Variants in MOV10L1 observed in about 807,000 individuals in gnomAD.
MOV10L1 encodes RNA helicase Mov10l1.
Under a neutral mutation model 143.8 loss-of-function variants are expected in MOV10L1, and 110 were observed. The ratio of observed to expected loss-of-function variants is 0.76; its 90% CI spans 0.66 to 0.90. MOV10L1 has a LOEUF of 0.90. Among genes scored for constraint, MOV10L1 ranks in the 40% least tolerant of loss-of-function variants. The pLI is 0.00. For synonymous variants in MOV10L1, 593 were observed against 581.1 expected (o/e 1.02, Z -0.29); for missense variants, 1,406 against 1,526.8 (o/e 0.92, Z 1.32).
chr22:50,147,692 G>A (rs1170645212), intron 19 of MOV10L1, among the ~76,000 whole-genome samples: 1 of 152,266 alleles, frequency 6.6e-6, no homozygotes, highest in Admixed American at 6.5e-5. Context: ...GGGCAAAGAA[G>A]TAGCAATGTC....
At position 50,117,301 on chromosome 22, in the gene MOV10L1, A is replaced by G; in HGVS notation, c.1404A>G (p.Ser468=). Reference sequence around the variant, plus strand: ...TTTCTTGGAAAAAGCTTAAAAGTTCACAAGCGTTAACATCCGCAAAAACTA... The same window carrying G: ...TTTCTTGGAAAAAGCTTAAAAGTTCGCAAGCGTTAACATCCGCAAAAACTA... The part of the protein sequence containing the change: ...EPFSWKKLKS[S]QALTSAKTTV... Residue 468 remains serine (S), a synonymous_variant, in exon 9 of 27, where the codon TCA becomes TCG. Coordinates refer to ENST00000262794, the MANE Select transcript of MOV10L1 (RefSeq NM_018995.3). 6.2e-7 allele frequency: 1 copy of G among 1,614,186 alleles called. No homozygotes were observed. The highest frequency in any genetic ancestry group is 8.5e-7 in the Non-Finnish European group (1 of 1,180,024).
intron 13 of MOV10L1, among the ~76,000 whole-genome samples, chr22:50,130,965 C>G (rs769019159): frequency 1.4e-4 from 21 of 152,134 alleles, no homozygotes; most frequent in Non-Finnish European, 1.5e-5. Context: ...GGCACGATCT[C>G]GGCTCACTGC....
At chr22:50,090,300 C>A in intron 1 of MOV10L1, 115 bp downstream of exon 1, 3 of 1,454,570 alleles carry the variant, frequency 2.1e-6, no homozygotes, top group Non-Finnish European at 2.7e-6. Flanking sequence ...ACGCTGGGCC[C>A]GGCCTTTCCT....
At chr22:50,104,662 G>T (rs1283201797) in intron 3 of MOV10L1, among the ~76,000 whole-genome samples, 1 of 152,046 alleles carries the variant, frequency 6.6e-6, no homozygotes, top group Non-Finnish European at 1.5e-5. Flanking sequence ...ATTAAAAAAA[G>T]GTGAGTATAT....
rs374875127 is a variant in MOV10L1, at chr22:50,158,178, T to C, written c.3188T>C (p.Ile1063Thr). ...SISSQVSASD[I>T]GVITPYRKQV... ...TCCAGTCAGGTGTCTGCCAGCGACA[T>C]TGGCGTCATCACGCCCTACCGGAAG... The change falls in exon 23 of 27, where the codon ATT (isoleucine) becomes ACT (threonine). Residue 1063 changes from isoleucine (I) to threonine (T), a missense_variant. By Grantham distance (89) the Ile-to-Thr change is moderately conservative. This residue lies in a region of MOV10L1 where 1,233 missense variants were observed against 1,351.4 expected (regional missense o/e 0.91). Coordinates refer to ENST00000262794, the MANE Select transcript of MOV10L1 (RefSeq NM_018995.3). The surrounding 1 kb of genome is among the most constrained non-coding windows in gnomAD (Gnocchi z 5.0). 11 of 1,614,034 alleles carry C rather than the reference T, an allele frequency of 6.8e-6. No homozygotes were observed. Among genetic ancestry groups the C allele is most frequent in the South Asian group, 2.2e-5 (2 of 91,088 alleles).
At chr22:50,130,229 C>T (rs2062632159) in intron 13 of MOV10L1, among the ~76,000 whole-genome samples, 1 of 152,056 alleles carries the variant, frequency 6.6e-6, no homozygotes, top group South Asian at 2.1e-4. Flanking sequence ...GAGCTGAGAT[C>T]ATACTACTGC....
chr22:50,126,131 A>G, intron 11 of MOV10L1, 71 bp from the exon 12 acceptor site: 1 of 1,132,634 alleles, frequency 8.8e-7, no homozygotes, highest in Non-Finnish European at 1.3e-6. Context: ...TCAGTGTTGG[A>G]TTTTATAGGA....
intron 15 of MOV10L1, among the ~76,000 whole-genome samples, chr22:50,139,717 A>T (rs895879272): frequency 3.3e-5 from 5 of 152,266 alleles, no homozygotes; most frequent in African/African-American, 1.2e-4. Flanking sequence ...ACACTTGAAC[A>T]CTTTACCAGA....
chr22:50,149,611 C>G lies in MOV10L1; in HGVS notation c.2628-4C>G. On this transcript the variant is annotated splice_region_variant and splice_polypyrimidine_tract_variant and intron_variant, in intron 19 of 26. Coordinates refer to ENST00000262794, the MANE Select transcript of MOV10L1 (RefSeq NM_018995.3). ...AATTACCATTTAGAACATCTTTGCT[C>G]TAGAGTTGGGCACTTCACTCACGTG... 1 of 1,614,014 alleles carries G rather than the reference C, an allele frequency of 6.2e-7. No homozygotes were observed. Among genetic ancestry groups the G allele is most frequent in the Non-Finnish European group, 8.5e-7 (1 of 1,179,916 alleles).
intron 3 of MOV10L1, among the ~76,000 whole-genome samples, chr22:50,104,584 C>G (rs1292672524): frequency 6.6e-6 from 1 of 152,016 alleles, no homozygotes; most frequent in Admixed American, 6.5e-5. Flanking sequence ...TTTGAAATAT[C>G]TATGTATTGG....
rs770576860 is a variant in MOV10L1, at chr22:50,160,819, C to G, written c.3456C>G (p.Leu1152=). 4.2e-5 allele frequency: 68 copies of G among 1,613,936 alleles called. No individual in the cohort carries two copies. Among genetic ancestry groups the G allele is most frequent in the Non-Finnish European group, 5.7e-5 (67 of 1,179,922 alleles). Reference sequence around the variant, plus strand: ...TAGTGCTGGGAAACCCCCATGTTCTCGTTCGAGTGAGTTTTCAGGCACTGG... The same window carrying G: ...TAGTGCTGGGAAACCCCCATGTTCTGGTTCGAGTGAGTTTTCAGGCACTGG... The part of the protein sequence containing the change: ...LLIVLGNPHV[L]VRDPCFGALL... Residue 1152 remains leucine, a synonymous_variant, in exon 25 of 27, where the codon CTC becomes CTG. Coordinates refer to ENST00000262794, the MANE Select transcript of MOV10L1 (RefSeq NM_018995.3).
intron 2 of MOV10L1, 40 bp downstream of exon 2, chr22:50,092,225 A>T: frequency 6.4e-7 from 1 of 1,568,522 alleles, no homozygotes; most frequent in Non-Finnish European, 8.7e-7. Flanking sequence ...TTTCTTCGCC[A>T]CGGGACTTTG....
chr22:50,158,245 C>A lies in MOV10L1; in HGVS notation c.3216+39C>A. The A allele has an allele frequency of 6.2e-7, 1 of 1,612,054 alleles. No homozygotes were observed. The highest frequency in any genetic ancestry group is 1.1e-5 in the South Asian group (1 of 90,946). ...AGGCACGCCTGGTTCTGTGAGGTCC[C>A]TGCAGCCCTGCTCCTTGGCTCCTGC... On this transcript the variant is annotated intron_variant, in intron 23 of 26. Transcript: ENST00000262794. The surrounding 1 kb of genome is among the most constrained non-coding windows in gnomAD (Gnocchi z 5.0).
intron 3 of MOV10L1, among the ~76,000 whole-genome samples, chr22:50,104,610 T>G (rs532944301): frequency 6.6e-6 from 1 of 152,334 alleles, no homozygotes; most frequent in African/African-American, 2.4e-5. Context: ...AGAGTGATTT[T>G]ATTATATTAG....
At chr22:50,131,989 G>C (rs995050010) in intron 13 of MOV10L1, among the ~76,000 whole-genome samples, 3 of 152,202 alleles carry the variant, frequency 2.0e-5, no homozygotes, top group African/African-American at 4.8e-5. Flanking sequence ...CTGCTTCCTG[G>C]TTCGTAGGCG....
Position 50,125,520 on chromosome 22 carries a change from G to A in MOV10L1, c.1698G>A (p.Leu566=). 1 of 1,614,210 alleles carries A rather than the reference G, an allele frequency of 6.2e-7. No individual in the cohort carries two copies. The highest frequency in any genetic ancestry group is 8.5e-7 in the Non-Finnish European group (1 of 1,180,034). ...TCTTAAGAAGGAATGGGGATCTGCT[G>A]GTTCTGGAGGTCCCAGGGTTGGCCG... ...GIILRRNGDL[L]VLEVPGLAEG... Residue 566 remains leucine (L), a synonymous_variant, in exon 11 of 27, where the codon CTG becomes CTA. Coordinates refer to ENST00000262794, the MANE Select transcript of MOV10L1 (RefSeq NM_018995.3).
rs551153733 is a variant in MOV10L1 at position 50,108,675 on chromosome 22, T to C, written c.574T>C (p.Cys192Arg). 3.7e-6 allele frequency: 6 copies of C among 1,614,152 alleles called. No individual in the cohort carries two copies. The East Asian group carries it at 6.7e-5, about 18-fold the overall frequency. ...RVDKVCISSLCGRNGVLEESI... is the reference protein window; with the variant it reads ...RVDKVCISSLRGRNGVLEESI... ...CTCCCAGGTCTGCATCTCTAGCCTC[T>C]GTGGAAGGAACGGGGTGTTAGAGGA... The change falls in exon 5 of 27, where the codon TGT (cysteine) becomes CGT (arginine). Residue 192 changes from cysteine to arginine, a missense_variant. This residue lies in a region of MOV10L1 where 1,233 missense variants were observed against 1,351.4 expected (regional missense o/e 0.91). Coordinates refer to ENST00000262794, the MANE Select transcript of MOV10L1 (RefSeq NM_018995.3).
At chr22:50,148,248 A>G (rs1484156172) in intron 19 of MOV10L1, among the ~76,000 whole-genome samples, 1 of 152,134 alleles carries the variant, frequency 6.6e-6, no homozygotes, top group Non-Finnish European at 1.5e-5. Context: ...CCCCAAGAGC[A>G]TTTCCCCACT....
At chr22:50,144,795 A>C (rs926711729) in intron 18 of MOV10L1, among the ~76,000 whole-genome samples, 4 of 151,834 alleles carry the variant, frequency 2.6e-5, no homozygotes, top group Non-Finnish European at 4.4e-5. Flanking sequence ...GTTAGCCAGG[A>C]TGGTCTCGAT....
Sources: allele counts gnomAD v4.1 joint callset (sites outside exome capture counted in the v4.1 genomes callset), GRCh38; gene constraint gnomAD v4.1.1; regional missense constraint gnomAD v4.1.1; non-coding constraint Gnocchi (gnomAD v3.1); transcripts MANE v1.5; gene names NCBI Gene and HGNC (gene_info 2026-07-23, HGNC 2026-07-21).